The following ESPN variants were observed in gnomAD, a reference collection of about 807,000 sequenced individuals.
The protein encoded by ESPN is espin.
Under a neutral mutation model 77.7 loss-of-function variants are expected in ESPN, and 68 were observed. That is an observed-to-expected ratio of 0.87 (90% CI 0.72 to 1.07). The LOEUF (loss-of-function observed/expected upper bound fraction) is 1.07, where lower values mean the gene tolerates loss of function less well. Ranked by LOEUF, ESPN falls within the 50% of genes least tolerant of loss-of-function variation. ESPN has a pLI of 0.00. For missense variants in ESPN, 1,060 were observed against 1,239.0 expected (o/e 0.86, Z 2.17); for synonymous variants, 449 against 567.1 (o/e 0.79, Z 2.96).
chr1:6,456,094 T>G, intron 10 of ESPN: 2 of 395,462 alleles, frequency 5.1e-6, no homozygotes, highest in Non-Finnish European at 8.9e-6. Context: ...CCCTTGGAAC[T>G]GGTGTCTGAG....
At chr1:6,436,764 C>T (rs1643454169) in intron 2 of ESPN, among the ~76,000 whole-genome samples, 1 of 152,120 alleles carries the variant, frequency 6.6e-6, no homozygotes, top group Admixed American at 6.5e-5. Flanking sequence ...GCTTTGGCCT[C>T]CGAAGGTGCT....
rs745394719 is a variant in ESPN, at chr1:6,445,654, G to T, written c.1193-10G>T. On this transcript the variant is annotated splice_polypyrimidine_tract_variant and intron_variant, in intron 6 of 12. Coordinates refer to ENST00000645284, the MANE Select transcript of ESPN (RefSeq NM_031475.3). ...GCTCCCAAATCTGGCCCTTCCTTCT[G>T]CCTCCCCAGGGCTTTCCAGCGCTAG... The T allele has an allele frequency of 1.2e-6, 2 of 1,611,506 alleles. No homozygotes were observed. Among genetic ancestry groups the T allele is most frequent in the Non-Finnish European group, 1.7e-6 (2 of 1,179,392 alleles).
intron 5 of ESPN, among the ~76,000 whole-genome samples, chr1:6,442,640 C>T (rs1407281238): frequency 1.1e-4 from 16 of 149,966 alleles, no homozygotes; most frequent in Admixed American, 6.7e-4. Flanking sequence ...GAGGCTGAGG[C>T]GGGCAGATCA....
At chr1:6,442,117 C>T (rs1235011953) in intron 5 of ESPN, among the ~76,000 whole-genome samples, 1 of 152,072 alleles carries the variant, frequency 6.6e-6, no homozygotes, top group Non-Finnish European at 1.5e-5. Context: ...GTTGAGGGAC[C>T]GTGGGGGGTG....
At chr1:6,431,628 C>T (rs77973985) in intron 2 of ESPN, among the ~76,000 whole-genome samples, 26 of 61,788 alleles carry the variant, frequency 4.2e-4, no homozygotes, top group African/African-American at 1.1e-3. Context: ...AAGATTCTGT[C>T]AAAAAAAAAA....
chr1:6,452,003 T>A lies in ESPN; in HGVS notation c.2232T>A (p.Asp744Glu). ...TGGAGGCTCTCATCCCCACGCACGA[T>A]GAGCAGGGCCGGCCCATCCCCGAGT... ...LDVEALIPTHDEQGRPIPEWK... is the reference protein window; with the variant it reads ...LDVEALIPTHEEQGRPIPEWK... The change falls in exon 10 of 13, where the codon GAT (aspartate) becomes GAA (glutamate). Residue 744 changes from aspartate (D) to glutamate (E), a missense_variant. Physicochemically the swap from Asp to Glu is conservative, Grantham distance 45 (BLOSUM62 2). Coordinates refer to ENST00000645284, the MANE Select transcript of ESPN (RefSeq NM_031475.3). 6.2e-7 allele frequency: 1 copy of A among 1,605,118 alleles called. No individual in the cohort carries two copies. Among genetic ancestry groups the A allele is most frequent in the Non-Finnish European group, 8.5e-7 (1 of 1,175,622 alleles).
chr1:6,438,138 C>A (rs1033700124), intron 2 of ESPN, among the ~76,000 whole-genome samples: 13 of 152,122 alleles, frequency 8.5e-5, no homozygotes, highest in African/African-American at 3.1e-4. Flanking sequence ...GAATTGGAAC[C>A]CAATAGGTCG....
chr1:6,431,924 G>A (rs1166677573), intron 2 of ESPN, among the ~76,000 whole-genome samples: 1 of 152,204 alleles, frequency 6.6e-6, no homozygotes, highest in African/African-American at 2.4e-5. Flanking sequence ...GAGCTGACAG[G>A]TACAGAAATG....
chr1:6,441,055 T>A lies in ESPN; in HGVS notation c.980T>A (p.Val327Glu). The A allele has an allele frequency of 6.2e-7, 1 of 1,611,090 alleles. No homozygotes were observed. Among genetic ancestry groups the A allele is most frequent in the Non-Finnish European group, 8.5e-7 (1 of 1,179,456 alleles). ...CACTGCACCCGCTACCTGCGCACGGTGGAGAACCTGGTACGATCCCTGAGC... is the reference window on the plus strand; with the variant it reads ...CACTGCACCCGCTACCTGCGCACGGAGGAGAACCTGGTACGATCCCTGAGC... Reference protein sequence around the residue: ...HSHCTRYLRTVENLSVEHRVL... With the variant: ...HSHCTRYLRTEENLSVEHRVL... The change falls in exon 5 of 13, where the codon GTG becomes GAG. Residue 327 changes from valine to glutamate, a missense_variant. This residue lies in a region of ESPN where 556 missense variants were observed against 633.6 expected (regional missense o/e 0.88). Transcript: ENST00000645284.
At chr1:6,453,669 C>G (rs1246106794) in intron 10 of ESPN, among the ~76,000 whole-genome samples, 1 of 152,058 alleles carries the variant, frequency 6.6e-6, no homozygotes, top group Non-Finnish European at 1.5e-5. Context: ...AACGGACTTT[C>G]TCCTGGAGCA....
intron 10 of ESPN, among the ~76,000 whole-genome samples, chr1:6,456,949 G>A (rs1011241128): frequency 1.3e-5 from 2 of 152,230 alleles, no homozygotes; most frequent in African/African-American, 4.8e-5. Flanking sequence ...CTCTGCTTCT[G>A]TCCCATTCAG....
At position 6,439,095 on chromosome 1, in the gene ESPN, G is replaced by A. The variant is rs935369541; in HGVS notation, c.489-1159G>A. Among the ~76,000 whole-genome samples the A allele has an allele frequency of 5.9e-5, 9 of 152,156 alleles. No individual in the cohort carries two copies. In the East Asian group the frequency reaches 7.7e-4, roughly 13 times the overall value. The stretch of plus-strand genomic sequence containing the variant: ...CCATTGCATTCCAGCCTGGATGACA[G>A]AGCAAGACTCCGTCTCAAAAATAAA... On this transcript the variant is annotated intron_variant, in intron 2 of 12. Coordinates refer to ENST00000645284, the MANE Select transcript of ESPN (RefSeq NM_031475.3).
intron 10 of ESPN, chr1:6,455,662 T>G (rs1644042122): frequency 2.5e-6 from 1 of 399,036 alleles, no homozygotes; most frequent in Non-Finnish European, 4.4e-6. Flanking sequence ...CTCGGCTACT[T>G]CCAGCTACTC....
chr1:6,453,643 C>T (rs376068720), intron 10 of ESPN, among the ~76,000 whole-genome samples: 1 of 152,052 alleles, frequency 6.6e-6, no homozygotes, highest in Non-Finnish European at 1.5e-5. Flanking sequence ...AAGACCTGGC[C>T]AGAGGCCCAG....
At chr1:6,458,562 C>T (rs953267196) in intron 12 of ESPN, among the ~76,000 whole-genome samples, 63 of 151,592 alleles carry the variant, frequency 4.2e-4, no homozygotes, top group Middle Eastern at 3.5e-3. Flanking sequence ...GTGATCCACC[C>T]GCCTCAGCCT....
intron 10 of ESPN, chr1:6,455,198 G>T: frequency 2.6e-6 from 1 of 388,696 alleles, no homozygotes; most frequent in East Asian, 3.6e-5. Context: ...CGCTGCCTGA[G>T]CCCGAGCAGC....
chr1:6,460,973 T>C (rs938171116), downstream of ESPN: 7 of 375,990 alleles, frequency 1.9e-5, no homozygotes, highest in African/African-American at 1.5e-4. Flanking sequence ...TGCTCTCTCC[T>C]TCTCGGGGTA....
At chr1:6,456,144 G>A in intron 10 of ESPN, 1 of 399,570 alleles carries the variant, frequency 2.5e-6, no homozygotes, top group East Asian at 3.6e-5. Flanking sequence ...CCGCTACATC[G>A]ACCGCAGCTT....
At chr1:6,426,325 C>T (rs1643032595) in intron 1 of ESPN, among the ~76,000 whole-genome samples, 1 of 152,260 alleles carries the variant, frequency 6.6e-6, no homozygotes, top group South Asian at 2.1e-4. Flanking sequence ...CCCATGCCCA[C>T]TCTTTTGGGC....
Sources: gnomAD v4.1 joint callset for allele counts (sites outside exome capture counted in the v4.1 genomes callset) on GRCh38, gnomAD v4.1.1 for gene constraint, gnomAD v4.1.1 regional missense constraint, MANE v1.5 for transcripts, NCBI Gene and HGNC (gene_info 2026-07-23, HGNC 2026-07-21) for gene names.